The following CORIN variants were observed in gnomAD, a reference collection of about 807,000 sequenced individuals.
CORIN encodes the protein corin, serine peptidase, also known as atrial natriuretic peptide-converting enzyme.
CORIN carries 117 observed loss-of-function variants against 125.3 expected under a neutral mutation model. That is an observed-to-expected ratio of 0.93 (90% confidence interval 0.80 to 1.09). CORIN has a LOEUF of 1.09. CORIN is among the 50% of genes least tolerant of loss of function. The pLI is 0.00. For missense variants in CORIN, 1,253 were observed against 1,306.7 expected (o/e 0.96, Z 0.63); for synonymous variants, 450 against 466.4 (o/e 0.96, Z 0.45).
chr4:47,765,857 G>A (rs1017257117), intron 3 of CORIN, among the ~76,000 whole-genome samples: 1 of 151,992 alleles, frequency 6.6e-6, no homozygotes, highest in Admixed American at 6.6e-5. Context: ...GACTTTTAGG[G>A]GTGTTTTTTC....
At chr4:47,688,445 A>G (rs1294158227) in intron 6 of CORIN, among the ~76,000 whole-genome samples, 1 of 152,112 alleles carries the variant, frequency 6.6e-6, no homozygotes, top group Admixed American at 6.6e-5. Context: ...TACAAAAAAT[A>G]CAAAAATCAG....
intron 5 of CORIN, among the ~76,000 whole-genome samples, chr4:47,734,617 C>A (rs1263473648): frequency 6.6e-6 from 1 of 152,182 alleles, no homozygotes; most frequent in Non-Finnish European, 1.5e-5. Flanking sequence ...AGGTTTAACA[C>A]TCCTTAAAGG....
chr4:47,805,143 A>AT, intron 2 of CORIN, among the ~76,000 whole-genome samples: 2 of 147,256 alleles, frequency 1.4e-5, no homozygotes, highest in African/African-American at 2.5e-5. Flanking sequence ...CTCAAAAAAA[A>AT]AAAAAAATAA....
chr4:47,752,564 A>T (rs1728950369), intron 4 of CORIN, among the ~76,000 whole-genome samples: 1 of 152,216 alleles, frequency 6.6e-6, no homozygotes, highest in Non-Finnish European at 1.5e-5. Flanking sequence ...ACTATTCAAC[A>T]TTTAAGTAAT....
intron 2 of CORIN, among the ~76,000 whole-genome samples, chr4:47,797,202 A>G (rs1731333589): frequency 1.3e-5 from 2 of 148,554 alleles, no homozygotes; most frequent in Admixed American, 6.8e-5. Flanking sequence ...GATGATGTAT[A>G]TTTATAATAT....
At chr4:47,665,350 ATTCT>A (rs1724436460) in intron 10 of CORIN, 87 bp from the exon 11 acceptor site, 3 of 963,368 alleles carry the variant, frequency 3.1e-6, no homozygotes, top group South Asian at 3.3e-5. Context: ...AGTCTATTTT[ATTCT>A]TTCTTTAGAG....
intron 10 of CORIN, among the ~76,000 whole-genome samples, chr4:47,666,151 A>C (rs1724467923): frequency 6.6e-6 from 1 of 152,190 alleles, no homozygotes; most frequent in African/African-American, 2.4e-5. Context: ...TCTTCCAGGA[A>C]ACCTTCCTGG....
chr4:47,734,703 G>A (rs925525525), intron 5 of CORIN, among the ~76,000 whole-genome samples: 2 of 152,134 alleles, frequency 1.3e-5, no homozygotes, highest in Admixed American at 6.5e-5. Context: ...CCTGGACCAC[G>A]GTTTCTCAAA....
intron 5 of CORIN, among the ~76,000 whole-genome samples, chr4:47,724,724 C>G (rs1289891085): frequency 6.6e-6 from 1 of 152,154 alleles, no homozygotes; most frequent in Non-Finnish European, 1.5e-5. Context: ...ATCATGCCAA[C>G]TCATACAGAA....
intron 12 of CORIN, among the ~76,000 whole-genome samples, chr4:47,656,849 G>C (rs546087548): frequency 2.6e-5 from 4 of 152,314 alleles, no homozygotes; most frequent in East Asian, 3.9e-4. Context: ...AATTATTCTT[G>C]ATTGCAAATG....
intron 13 of CORIN, among the ~76,000 whole-genome samples, chr4:47,650,135 T>C (rs1346907936): frequency 1.3e-5 from 2 of 152,148 alleles, no homozygotes; most frequent in Non-Finnish European, 2.9e-5. Flanking sequence ...CTTGAAGAAA[T>C]GGCTCAGGTT....
At chr4:47,754,145 C>T (rs1729032134) in intron 4 of CORIN, among the ~76,000 whole-genome samples, 1 of 152,206 alleles carries the variant, frequency 6.6e-6, no homozygotes, top group African/African-American at 2.4e-5. Flanking sequence ...TCTAGCTTTA[C>T]ATCTTTGTAA....
chr4:47,663,489 C>T (rs1439632257), intron 11 of CORIN, among the ~76,000 whole-genome samples: 1 of 151,604 alleles, frequency 6.6e-6, no homozygotes, highest in Non-Finnish European at 1.5e-5. Flanking sequence ...ATGGGTAAAC[C>T]TGAAAAAAAG....
At chr4:47,658,955 C>G (rs966349666) in intron 12 of CORIN, among the ~76,000 whole-genome samples, 1 of 152,218 alleles carries the variant, frequency 6.6e-6, no homozygotes, top group Non-Finnish European at 1.5e-5. Context: ...CGCAGCCAGG[C>G]TATCTCTTGA....
At position 47,670,604 on chromosome 4, in the gene CORIN, C is replaced by T. The variant is rs532495134; in HGVS notation, c.1357+3789G>A. Among the ~76,000 whole-genome samples the T allele has an allele frequency of 3.9e-5, 6 of 152,308 alleles. No homozygotes were observed. In the South Asian group the frequency reaches 1.0e-3, roughly 26 times the overall value. ...GCGTAAAACTAAAGGTTGACGAACA[C>T]TGTGGGAGGCTTGAGAGAGGGCCTG... On this transcript the variant is annotated intron_variant, in intron 10 of 21. Coordinates refer to ENST00000273857, the MANE Select transcript of CORIN (RefSeq NM_006587.4).
rs942706968 is a variant in CORIN, at chr4:47,594,708, A to C, written c.*1013T>G. 5 of 152,178 alleles carry C rather than the reference A, an allele frequency of 3.3e-5. No individual in the cohort carries two copies. Among genetic ancestry groups the C allele is most frequent in the African/African-American group, 1.2e-4 (5 of 41,448 alleles). The allele number at this position is 152,178 out of a possible 1,614,324, so 9.4% of individuals were successfully genotyped here. On this transcript the variant is annotated 3_prime_UTR_variant, in exon 22 of 22. Coordinates refer to ENST00000273857, the MANE Select transcript of CORIN (RefSeq NM_006587.4). ...TAAATTTAATTAAACGAGGGATGCA[A>C]ATTAATTTTCTTTTTAAAAAATTGC...
At chr4:47,665,689 A>G (rs895717651) in intron 10 of CORIN, among the ~76,000 whole-genome samples, 1 of 152,208 alleles carries the variant, frequency 6.6e-6, no homozygotes, top group Non-Finnish European at 1.5e-5. Context: ...AGGCAAGTAG[A>G]TAACTTCTGT....
chr4:47,698,873 C>T (rs1560510701), intron 5 of CORIN, among the ~76,000 whole-genome samples: 1 of 152,168 alleles, frequency 6.6e-6, no homozygotes, highest in East Asian at 1.9e-4. Flanking sequence ...TTTACATACA[C>T]AAATGCTTAT....
chr4:47,666,459 G>A (rs76147629), intron 10 of CORIN, among the ~76,000 whole-genome samples: 119 of 152,290 alleles, frequency 7.8e-4, no homozygotes, highest in Non-Finnish European at 1.3e-3. Flanking sequence ...CCACAATCTC[G>A]ATAGGAAAAA....
Sources: allele counts gnomAD v4.1 joint callset (sites outside exome capture counted in the v4.1 genomes callset), GRCh38; gene constraint gnomAD v4.1.1; transcripts MANE v1.5; gene names NCBI Gene and HGNC (gene_info 2026-07-23, HGNC 2026-07-21).